Variants in CTSK observed in about 807,000 individuals in gnomAD.
The protein encoded by CTSK is cathepsin K, also known as cathepsin O.
In CTSK, 26 loss-of-function variants were observed where a neutral mutation model predicts 40.5. The observed-to-expected ratio is 0.64, with a 90% CI of 0.47 to 0.89. The LOEUF (loss-of-function observed/expected upper bound fraction) is 0.89, where lower values mean the gene tolerates loss of function less well. CTSK is among the 40% of genes least tolerant of loss of function. CTSK has a pLI of 0.00. For missense variants in CTSK, 292 were observed against 400.1 expected, an observed-to-expected ratio of 0.73 and a Z score of 2.30; for synonymous variants, 132 against 143.2, an observed-to-expected ratio of 0.92 and a Z score of 0.56.
chr1:150,807,440 C>T (rs1271418862), intron 1 of CTSK: 3 of 466,594 alleles, frequency 6.4e-6, no homozygotes, highest in South Asian at 4.7e-5. Flanking sequence ...CTTCCTTTTT[C>T]TCTCCCTTCC....
At chr1:150,806,923 A>C in intron 1 of CTSK, 117 bp from the exon 2 acceptor site, 1 of 1,245,248 alleles carries the variant, frequency 8.0e-7, no homozygotes, top group Non-Finnish European at 1.2e-6. Flanking sequence ...AATGATAGTC[A>C]GGAGGGGCCT....
intron 7 of CTSK, among the ~76,000 whole-genome samples, chr1:150,798,213 A>G (rs1178773877): frequency 6.6e-6 from 1 of 152,098 alleles, no homozygotes; most frequent in African/African-American, 2.4e-5. Context: ...TTTTTTGTTT[A>G]TATCTTATTT....
intron 7 of CTSK, among the ~76,000 whole-genome samples, chr1:150,797,551 C>G (rs914262591): frequency 2.0e-5 from 3 of 152,060 alleles, no homozygotes; most frequent in Non-Finnish European, 2.9e-5. Flanking sequence ...GATGAGATTA[C>G]TAAGGAAATG....
chr1:150,799,195 C>G lies in CTSK; in HGVS notation c.863G>C (p.Gly288Ala). Residue 288 changes from glycine to alanine, a missense_variant, in exon 7 of 8, where the codon GGA becomes GCA. By Grantham distance (60) the Gly-to-Ala change is moderately conservative. Transcript: ENST00000271651. ...VLAVGYGIQKGNKHWIIKNSW... is the reference protein window; with the variant it reads ...VLAVGYGIQKANKHWIIKNSW... ...GTTTTTAATTATCCAGTGCTTGTTT[C>G]CCTTCTGGATTCCATATCCCACTGC... The G allele has an allele frequency of 1.2e-6, 2 of 1,611,916 alleles. No individual in the cohort carries two copies. Among genetic ancestry groups the G allele is most frequent in the Non-Finnish European group, 8.5e-7 (1 of 1,177,928 alleles).
At chr1:150,803,408 C>A (rs1654029873) in intron 5 of CTSK, among the ~76,000 whole-genome samples, 1 of 152,144 alleles carries the variant, frequency 6.6e-6, no homozygotes, top group Non-Finnish European at 1.5e-5. Context: ...AACTTGCTGT[C>A]CCTGTTTCAG....
At chr1:150,801,239 G>A (rs1409240060) in intron 5 of CTSK, among the ~76,000 whole-genome samples, 2 of 151,984 alleles carry the variant, frequency 1.3e-5, no homozygotes, top group Non-Finnish European at 2.9e-5. Context: ...CAATTCTCCT[G>A]CCTCAGCCTG....
Position 150,796,893 on chromosome 1 carries a change from C to G in CTSK, c.896G>C (p.Gly299Ala), listed in dbSNP as rs1438081443. 6.2e-7 allele frequency: 1 copy of G among 1,611,520 alleles called. No homozygotes were observed. The highest frequency in any genetic ancestry group is 8.5e-7 in the Non-Finnish European group (1 of 1,177,752). The change falls in exon 8 of 8, where the codon GGA becomes GCA. Residue 299 changes from glycine to alanine, a missense_variant. Physicochemically the swap from Gly to Ala is moderately conservative, Grantham distance 60 (BLOSUM62 0). Coordinates refer to ENST00000271651, the MANE Select transcript of CTSK (RefSeq NM_000396.4). ...NKHWIIKNSWGENWGNKGYIL... is the reference protein window; with the variant it reads ...NKHWIIKNSWAENWGNKGYIL... ...ATATCCTTTGTTTCCCCAGTTTTCTCCCCAGCTGTAAGACCAATCAAGAAA... is the reference window on the plus strand; with the variant it reads ...ATATCCTTTGTTTCCCCAGTTTTCTGCCCAGCTGTAAGACCAATCAAGAAA...
chr1:150,796,209 G>A lies in CTSK; in HGVS notation c.*590C>T, dbSNP rs1234564305. On this transcript the variant is annotated 3_prime_UTR_variant, in exon 8 of 8. Coordinates refer to ENST00000271651, the MANE Select transcript of CTSK (RefSeq NM_000396.4). ...CCTAACACAGTATCCAACACAAAAT[G>A]AATGTGTACTAGATGCTATTTATTA... 3 of 158,308 alleles carry A rather than the reference G, an allele frequency of 1.9e-5. No individual in the cohort carries two copies. The highest frequency in any genetic ancestry group is 5.9e-5 in the Admixed American group (1 of 16,840). 9.8% of individuals were successfully genotyped at this position (158,308 alleles called of 1,614,324 possible).
At chr1:150,807,076 T>TCACACACACA (rs1176948763) in intron 1 of CTSK, among the ~76,000 whole-genome samples, 3 of 36,478 alleles carry the variant, frequency 8.2e-5, no homozygotes, top group East Asian at 7.7e-4. Context: ...TGTCTCTCTC[T>TCACACACACA]CTCTCACACA....
In CTSK at chr1:150,796,852, T is replaced by G; in HGVS notation, c.937A>C (p.Asn313His). Reference sequence around the variant, plus strand: ...GCAATGCCACAGGCGTTGTTCTTATTTCGAGCCATGAGGATATATCCTTTG... The same window carrying G: ...GCAATGCCACAGGCGTTGTTCTTATGTCGAGCCATGAGGATATATCCTTTG... ...GNKGYILMAR[N>H]KNNACGIANL... Residue 313 changes from asparagine (N) to histidine (H), a missense_variant, in exon 8 of 8, where the codon AAT becomes CAT. Transcript: ENST00000271651. The G allele has an allele frequency of 6.2e-7, 1 of 1,614,192 alleles. No homozygotes were observed. The highest frequency in any genetic ancestry group is 8.5e-7 in the Non-Finnish European group (1 of 1,180,030).
chr1:150,797,351 C>T (rs1653896092), intron 7 of CTSK, among the ~76,000 whole-genome samples: 2 of 152,132 alleles, frequency 1.3e-5, no homozygotes, highest in African/African-American at 4.8e-5. Flanking sequence ...AAAGCTTCAC[C>T]TTTACTCTGT....
chr1:150,806,496 AG>A (rs1180441595), intron 2 of CTSK, among the ~76,000 whole-genome samples, 189 bp downstream of exon 2: 1 of 152,254 alleles, frequency 6.6e-6, no homozygotes, highest in Non-Finnish European at 1.5e-5. Flanking sequence ...TATAAAGCAA[AG>A]GAAGGATACA....
intron 1 of CTSK, chr1:150,807,504 T>A: frequency 2.7e-6 from 1 of 373,640 alleles, no homozygotes. Context: ...GGCAAGGTTT[T>A]TTATTTTTCC....
chr1:150,807,046 ACTCT>A (rs1324924302), intron 1 of CTSK, among the ~76,000 whole-genome samples: 17 of 112,902 alleles, frequency 1.5e-4, no homozygotes, highest in Admixed American at 4.1e-4. Flanking sequence ...GGCAACACAC[ACTCT>A]CTCTGTTTCT....
At position 150,796,654 on chromosome 1, in the gene CTSK, C is replaced by T; in HGVS notation, c.*145G>A. On this transcript the variant is annotated 3_prime_UTR_variant, in exon 8 of 8. Transcript: ENST00000271651. The stretch of plus-strand genomic sequence containing the variant: ...AAAGTAGGAAGGATCATTTGAAGCA[C>T]AAACAAATGGGGAAACTGAACAGAC... 1 of 776,942 alleles carries T rather than the reference C, an allele frequency of 1.3e-6. No homozygotes were observed. The highest frequency in any genetic ancestry group is 2.3e-6 in the Non-Finnish European group (1 of 427,154). The allele number at this position is 776,942 out of a possible 1,614,324, so 48.1% of individuals were successfully genotyped here.
rs935781851 is a variant in CTSK at position 150,804,004 on chromosome 1, G to A, written c.618+17C>T. ...GAGGAGCCAACAGAGCTGTATAATT[G>A]TGTGGAGCAATCTCACCTGTCCCAC... On this transcript the variant is annotated intron_variant, in intron 5 of 7. Coordinates refer to ENST00000271651, the MANE Select transcript of CTSK (RefSeq NM_000396.4). 1 of 1,596,796 alleles carries A rather than the reference G, an allele frequency of 6.3e-7. No homozygotes were observed. The highest frequency in any genetic ancestry group is 8.6e-7 in the Non-Finnish European group (1 of 1,164,362).
intron 1 of CTSK, 95 bp downstream of exon 1, chr1:150,808,117 TAA>T (rs760692308): frequency 6.6e-6 from 1 of 152,222 alleles, no homozygotes; most frequent in African/African-American, 2.4e-5. Flanking sequence ...CTGCAGAGGC[TAA>T]AAGTTTATTG....
At chr1:150,797,388 G>A (rs1653896708) in intron 7 of CTSK, among the ~76,000 whole-genome samples, 1 of 152,200 alleles carries the variant, frequency 6.6e-6, no homozygotes, top group East Asian at 1.9e-4. Flanking sequence ...GAGCCAGTGA[G>A]GGATTTTGAG....
chr1:150,804,260 C>G, intron 4 of CTSK, 21 bp from the exon 5 acceptor site: 1 of 1,578,488 alleles, frequency 6.3e-7, no homozygotes, highest in Admixed American at 1.7e-5. Context: ...TACAGAGAAA[C>G]TATCAATCTT....
Sources: allele counts gnomAD v4.1 joint callset (sites outside exome capture counted in the v4.1 genomes callset), GRCh38; gene constraint gnomAD v4.1.1; transcripts MANE v1.5; gene names NCBI Gene and HGNC (gene_info 2026-07-23, HGNC 2026-07-21).